The following AHI1 variants were observed in gnomAD, a reference collection of about 807,000 sequenced individuals.
The protein encoded by AHI1 is jouberin.
Under a neutral mutation model 149.3 loss-of-function variants are expected in AHI1, and 123 were observed. The ratio of observed to expected loss-of-function variants is 0.82; its 90% confidence interval spans 0.71 to 0.96. AHI1 has a LOEUF of 0.96. Ranked by LOEUF, AHI1 falls within the 40% of genes least tolerant of loss-of-function variation. The probability of loss-of-function intolerance (pLI) is 0.00; values close to 1 mark genes in which losing one functional copy is unlikely to be tolerated. For missense variants in AHI1, 1,439 were observed against 1,422.7 expected, an observed-to-expected ratio of 1.01 and a Z score of -0.18; for synonymous variants, 475 against 459.8, an observed-to-expected ratio of 1.03 and a Z score of -0.42.
Position 135,471,998 on chromosome 6 carries a change from G to A in AHI1, c.136-4364C>T, listed in dbSNP as rs367663895. On this transcript the variant is annotated intron_variant, in intron 5 of 28. Transcript: ENST00000265602. ...CTGCAGTCCGCAGTCCGGCCTGGGCGACAGAGCGAGACTCCGTCTCAAAAA... is the reference window on the plus strand; with the variant it reads ...CTGCAGTCCGCAGTCCGGCCTGGGCAACAGAGCGAGACTCCGTCTCAAAAA... Among the ~76,000 whole-genome samples, 413 of 111,070 alleles carry A rather than the reference G, an allele frequency of 3.7e-3. 4 individuals carry two copies. Among genetic ancestry groups the A allele is most frequent in the Middle Eastern group, 0.032 (4 of 126 alleles). 72.9% of individuals were successfully genotyped at this position (111,070 alleles called of 152,430 possible).
Position 135,411,372 on chromosome 6 carries a change from T to C in AHI1, c.2937A>G (p.Val979=). The change falls in exon 21 of 29, where the codon GTA becomes GTG. Residue 979 remains valine (V), a synonymous_variant. Transcript: ENST00000265602. Reference sequence around the variant, plus strand: ...CTGTGACAGTTTCAAGCCTCTGTTTTACTAGCTGCATCTTCGTTGAAGAAC... The same window carrying C: ...CTGTGACAGTTTCAAGCCTCTGTTTCACTAGCTGCATCTTCGTTGAAGAAC... ...TESSSTKMQL[V]KQRLETVTEV... is the part of the protein sequence containing the mutation. 6.2e-7 allele frequency: 1 copy of C among 1,613,848 alleles called. No homozygotes were observed. The highest frequency in any genetic ancestry group is 8.5e-7 in the Non-Finnish European group (1 of 1,179,750).
intron 12 of AHI1, 50 bp downstream of exon 12, chr6:135,448,239 AT>A: frequency 4.7e-6 from 6 of 1,275,002 alleles, no homozygotes; most frequent in Non-Finnish European, 6.3e-6. Context: ...CTATGTCACC[AT>A]TTAATTTCAA....
chr6:135,327,665 C>T (rs1164566023), intron 24 of AHI1, among the ~76,000 whole-genome samples: 1 of 152,108 alleles, frequency 6.6e-6, no homozygotes, highest in African/African-American at 2.4e-5. Context: ...TTTACCTGCC[C>T]CAAGGTAGGG....
At chr6:135,364,026 G>T (rs1383939747) in intron 23 of AHI1, among the ~76,000 whole-genome samples, 31 of 149,724 alleles carry the variant, frequency 2.1e-4, no homozygotes, top group South Asian at 1.5e-3. Flanking sequence ...GCCGGGCAGA[G>T]GCGCCCCTCA....
At position 135,463,316 on chromosome 6, in the gene AHI1, T is replaced by C; in HGVS notation, c.750-10A>G. ...AGAGATGGTCAATGTACTACAAATA[T>C]AATCCAAGTATCAGCCATTACAGAT... On this transcript the variant is annotated splice_polypyrimidine_tract_variant and intron_variant, in intron 7 of 28. Transcript: ENST00000265602. The C allele has an allele frequency of 1.9e-6, 3 of 1,585,188 alleles. No individual in the cohort carries two copies. Among genetic ancestry groups the C allele is most frequent in the Non-Finnish European group, 1.7e-6 (2 of 1,168,092 alleles).
intron 26 of AHI1, among the ~76,000 whole-genome samples, chr6:135,310,745 C>G (rs1785086351): frequency 6.6e-6 from 1 of 152,276 alleles, no homozygotes; most frequent in African/African-American, 2.4e-5. Context: ...AGTTTCTCCA[C>G]ATCTTCAAAA....
rs545841352 is a variant in AHI1 at position 135,455,774 on chromosome 6, C to T, written c.1304G>A (p.Arg435Gln). ...VFNENFPYLLRGSDESPKVIL... is the reference protein window; with the variant it reads ...VFNENFPYLLQGSDESPKVIL... ...GACTTTAGGACTCTCATCAGAGCCT[C>T]GAAGCAAATAGGGAAAATTTTCATT... is the stretch of plus-strand genomic sequence containing the variant. The change falls in exon 10 of 29, where the codon CGA becomes CAA. Residue 435 changes from arginine (R) to glutamine (Q), a missense_variant. Physicochemically the swap from Arg to Gln is conservative, Grantham distance 43. Transcript: ENST00000265602. The T allele has an allele frequency of 2.3e-4, 370 of 1,603,320 alleles. 3 individuals are homozygous for T. The South Asian group carries it at 2.4e-3, about 10-fold the overall frequency.
chr6:135,407,101 C>T (rs1273473719), intron 21 of AHI1, among the ~76,000 whole-genome samples: 1 of 152,016 alleles, frequency 6.6e-6, no homozygotes, highest in Non-Finnish European at 1.5e-5. Context: ...GGTAATGCTC[C>T]CAATAACCGA....
At chr6:135,432,234 G>A (rs564943172) in intron 16 of AHI1, among the ~76,000 whole-genome samples, 25 of 151,744 alleles carry the variant, frequency 1.6e-4, no homozygotes, top group Non-Finnish European at 2.4e-4. Context: ...TAATTATAGC[G>A]CTAGCCTACA....
At chr6:135,401,687 A>G (rs1780046763) in intron 22 of AHI1, among the ~76,000 whole-genome samples, 1 of 152,228 alleles carries the variant, frequency 6.6e-6, no homozygotes, top group African/African-American at 2.4e-5. Flanking sequence ...ACAAAAATTA[A>G]TGCAAAATAA....
At chr6:135,416,459 T>C (rs778760185) in intron 20 of AHI1, among the ~76,000 whole-genome samples, 2 of 151,962 alleles carry the variant, frequency 1.3e-5, no homozygotes, top group Non-Finnish European at 2.9e-5. Flanking sequence ...TGAAGCACTA[T>C]CTAAATGTTG....
chr6:135,461,629 A>G (rs945514815), intron 8 of AHI1, among the ~76,000 whole-genome samples: 13 of 152,074 alleles, frequency 8.5e-5, no homozygotes, highest in African/African-American at 3.1e-4. Context: ...TGCAATGTGA[A>G]TTACCGCTTT....
chr6:135,375,357 T>C (rs1775757949), intron 23 of AHI1, among the ~76,000 whole-genome samples: 1 of 152,062 alleles, frequency 6.6e-6, no homozygotes, highest in African/African-American at 2.4e-5. Flanking sequence ...TTAGTATATA[T>C]CATAAAAAGC....
At chr6:135,455,433 A>G (rs975587400) in intron 10 of AHI1, among the ~76,000 whole-genome samples, 43 of 152,340 alleles carry the variant, frequency 2.8e-4, no homozygotes, top group African/African-American at 9.9e-4. Context: ...AAATGGAGAA[A>G]TGCATTCATA....
At chr6:135,293,406 GAAAA>G (rs71547029) in intron 27 of AHI1, among the ~76,000 whole-genome samples, 2 of 65,596 alleles carry the variant, frequency 3.0e-5, no homozygotes, top group African/African-American at 8.9e-5. Context: ...AAAAAAAAAA[GAAAA>G]AAAAAAAAAA....
intron 23 of AHI1, among the ~76,000 whole-genome samples, chr6:135,393,316 G>A (rs1778781722): frequency 1.3e-5 from 2 of 152,080 alleles, no homozygotes; most frequent in Admixed American, 6.5e-5. Context: ...CTTGTTGGCA[G>A]ACAGACATAA....
intron 20 of AHI1, 140 bp downstream of exon 20, chr6:135,427,027 C>A: frequency 1.3e-6 from 1 of 762,092 alleles, no homozygotes. Context: ...AAACTTGTGG[C>A]TAGCTTTCTG....
intron 23 of AHI1, among the ~76,000 whole-genome samples, chr6:135,379,253 C>T (rs920781323): frequency 2.0e-5 from 3 of 152,088 alleles, no homozygotes; most frequent in Admixed American, 6.6e-5. Flanking sequence ...TTATGGATTG[C>T]TATCCACTCA....
intron 16 of AHI1, 22 bp from the exon 17 acceptor site, chr6:135,431,336 C>T (rs1482864622): frequency 7.0e-7 from 1 of 1,437,542 alleles, no homozygotes. Flanking sequence ...AATAAGATCA[C>T]TCACTTATGA....
Sources: allele counts gnomAD v4.1 joint callset (sites outside exome capture counted in the v4.1 genomes callset), GRCh38; gene constraint gnomAD v4.1.1; transcripts MANE v1.5; gene names NCBI Gene and HGNC (gene_info 2026-07-23, HGNC 2026-07-21).